Variants in DEPDC1 observed in about 807,000 individuals in gnomAD.
The protein encoded by DEPDC1 is DEP domain-containing protein 1A.
A neutral mutation model predicts 86.8 loss-of-function variants in DEPDC1; 66 were observed. The ratio of observed to expected loss-of-function variants is 0.76; its 90% CI spans 0.62 to 0.93. The LOEUF (loss-of-function observed/expected upper bound fraction) is 0.93, where lower values mean the gene tolerates loss of function less well. Among genes scored for constraint, DEPDC1 ranks in the 40% least tolerant of loss-of-function variants. The pLI, the probability that DEPDC1 is intolerant of heterozygous loss-of-function variation, is 0.00. For missense variants in DEPDC1, 792 were observed against 935.7 expected (o/e 0.85, Z 2.00); for synonymous variants, 255 against 314.9 (o/e 0.81, Z 2.02).
rs1646263985 is a variant in DEPDC1, at chr1:68,496,211, CTT to C, written c.48+739_48+740del. Among the ~76,000 whole-genome samples the C allele has an allele frequency of 6.6e-6, 1 of 152,288 alleles. No homozygotes were observed. The highest frequency in any genetic ancestry group is 1.9e-4 in the East Asian group (1 of 5,182). ...TTGTTATTCTGCAGATCACAACACA[CTT>C]TAAAAAACAGCATCCTCCTGGGAAA... On this transcript the variant is annotated intron_variant, in intron 1 of 11. Coordinates refer to ENST00000456315, the MANE Select transcript of DEPDC1 (RefSeq NM_001114120.3). The surrounding 1 kb of genome is among the most constrained non-coding windows in gnomAD (Gnocchi z 4.0).
intron 2 of DEPDC1, among the ~76,000 whole-genome samples, chr1:68,491,110 G>A (rs1571204751): frequency 6.6e-6 from 1 of 152,102 alleles, no homozygotes; most frequent in East Asian, 1.9e-4. Flanking sequence ...ATATCATTCT[G>A]GACATTAGAA....
chr1:68,489,687 A>T lies in DEPDC1; in HGVS notation c.315-79T>A, dbSNP rs1039368454. The T allele has an allele frequency of 2.8e-6, 3 of 1,088,378 alleles. No individual in the cohort carries two copies. In the African/African-American group the frequency reaches 5.1e-5, roughly 18 times the overall value. The allele number at this position is 1,088,378 out of a possible 1,614,324, so 67.4% of individuals were successfully genotyped here. ...AGAGCCTATTTTTTTTTTAAAATTC[A>T]CATAAAGAGCCTGACTTATTAATAC... On this transcript the variant is annotated intron_variant, in intron 2 of 11. Coordinates refer to ENST00000456315, the MANE Select transcript of DEPDC1 (RefSeq NM_001114120.3).
At chr1:68,484,365 T>C (rs1449288429) in intron 6 of DEPDC1, among the ~76,000 whole-genome samples, 1 of 152,064 alleles carries the variant, frequency 6.6e-6, no homozygotes, top group Non-Finnish European at 1.5e-5. Context: ...TAGGGAAGCT[T>C]AGTTTAATAA....
chr1:68,492,324 A>G (rs2100271619), intron 2 of DEPDC1, among the ~76,000 whole-genome samples: 1 of 152,242 alleles, frequency 6.6e-6, no homozygotes, highest in Non-Finnish European at 1.5e-5. Context: ...ATTCTATTTA[A>G]TACAATTTAA....
At chr1:68,484,215 G>T in intron 6 of DEPDC1, 125 bp from the exon 7 acceptor site, 1 of 661,800 alleles carries the variant, frequency 1.5e-6, no homozygotes, top group South Asian at 3.2e-5. Context: ...TTCTGCCACA[G>T]TTCAAAAATT....
chr1:68,480,252 CCACA>C (rs72099346), intron 9 of DEPDC1, among the ~76,000 whole-genome samples: 110 of 145,518 alleles, frequency 7.6e-4, no homozygotes, highest in East Asian at 3.4e-3. Flanking sequence ...TCTAACTGTA[CCACA>C]CACACACACA....
chr1:68,488,931 T>G lies in DEPDC1; in HGVS notation c.575A>C (p.Tyr192Ser), dbSNP rs1484838322. Residue 192 changes from tyrosine to serine, a missense_variant, in exon 4 of 12, where the codon TAT (tyrosine) becomes TCT (serine). Coordinates refer to ENST00000456315, the MANE Select transcript of DEPDC1 (RefSeq NM_001114120.3). The stretch of plus-strand genomic sequence containing the variant: ...TTTATCTTACTAGATCAGAATAACA[T>G]ATCTCCAAACTTCTTCAACATCTTC... Reference protein sequence around the residue: ...SQEDVEEVWRYVILIYLQTIL... With the variant: ...SQEDVEEVWRSVILIYLQTIL... The G allele has an allele frequency of 6.3e-7, 1 of 1,583,012 alleles. No homozygotes were observed. The highest frequency in any genetic ancestry group is 2.2e-5 in the East Asian group (1 of 44,504).
chr1:68,493,197 C>T (rs1646240866), intron 2 of DEPDC1, among the ~76,000 whole-genome samples: 1 of 152,060 alleles, frequency 6.6e-6, no homozygotes, highest in Admixed American at 6.6e-5. Flanking sequence ...GAGTGCTATA[C>T]AAAATGGATT....
intron 2 of DEPDC1, among the ~76,000 whole-genome samples, chr1:68,490,065 G>GT (rs1436606039): frequency 6.6e-6 from 1 of 152,034 alleles, no homozygotes; most frequent in Admixed American, 6.6e-5. Flanking sequence ...CAATACCCAT[G>GT]TATGTAACTG....
chr1:68,494,399 T>G (rs768078487), intron 2 of DEPDC1, 31 bp downstream of exon 2: 1 of 1,575,276 alleles, frequency 6.3e-7, no homozygotes. Flanking sequence ...TTACAGTAAT[T>G]CAGTTTTACA....
chr1:68,475,065 G>A lies in DEPDC1; in HGVS notation c.*1867C>T, dbSNP rs751778755. On this transcript the variant is annotated 3_prime_UTR_variant, in exon 12 of 12. Coordinates refer to ENST00000456315, the MANE Select transcript of DEPDC1 (RefSeq NM_001114120.3). ...ACATGCATTATCCTGCTTAATCCTC[G>A]CAATCCTAAAAAGAGGTACTATTAT... The A allele has an allele frequency of 1.3e-5, 2 of 151,904 alleles. No individual in the cohort carries two copies. Among genetic ancestry groups the A allele is most frequent in the African/African-American group, 2.4e-5 (1 of 41,474 alleles). 9.4% of individuals were successfully genotyped at this position (151,904 alleles called of 1,614,324 possible).
At position 68,481,548 on chromosome 1, in the gene DEPDC1, A is replaced by G; in HGVS notation, c.1827T>C (p.Leu609=). Residue 609 remains leucine, a synonymous_variant, in exon 9 of 12, where the codon CTT becomes CTC. Coordinates refer to ENST00000456315, the MANE Select transcript of DEPDC1 (RefSeq NM_001114120.3). ...IDALQLCCLL[L]PPPNRRKLQL... is the part of the protein sequence containing the mutation. ...GAAGCTTTCTACGATTTGGTGGGGG[A>G]AGTAACAAACAACATAACTGTAGAG... The G allele has an allele frequency of 6.2e-7, 1 of 1,611,992 alleles. No individual in the cohort carries two copies. The highest frequency in any genetic ancestry group is 8.5e-7 in the Non-Finnish European group (1 of 1,178,876).
intron 3 of DEPDC1, 54 bp from the exon 4 acceptor site, chr1:68,489,088 T>C (rs1481166822): frequency 9.2e-7 from 1 of 1,085,544 alleles, no homozygotes; most frequent in Admixed American, 1.8e-5. Flanking sequence ...TTTTAAATAT[T>C]GAAAGCAACA....
rs547804752 is a variant in DEPDC1 at position 68,479,265 on chromosome 1, T to C, written c.1991A>G (p.Asp664Gly). The change falls in exon 10 of 12, where the codon GAT (aspartate) becomes GGT (glycine). Residue 664 changes from aspartate to glycine, a missense_variant. Asp to Gly is a moderately conservative substitution (Grantham distance 94). Transcript: ENST00000456315. Reference sequence around the variant, plus strand: ...AACTAATCTTCCAGCAAGAAGCTCATCAAGATCCACTTCTTCAGCACAGCA... The same window carrying C: ...AACTAATCTTCCAGCAAGAAGCTCACCAAGATCCACTTCTTCAGCACAGCA... Reference protein sequence around the residue: ...VLCCAEEVDLDELLAGRLVSF... With the variant: ...VLCCAEEVDLGELLAGRLVSF... The C allele has an allele frequency of 5.7e-5, 92 of 1,612,580 alleles. No homozygotes were observed. Among genetic ancestry groups the C allele is most frequent in the Non-Finnish European group, 7.5e-5 (88 of 1,179,156 alleles).
At position 68,489,020 on chromosome 1, in the gene DEPDC1, T is replaced by C. The variant is rs1418805869; in HGVS notation, c.486A>G (p.Lys162=). The C allele has an allele frequency of 3.7e-6, 6 of 1,600,082 alleles. No individual in the cohort carries two copies. The highest frequency in any genetic ancestry group is 5.1e-6 in the Non-Finnish European group (6 of 1,169,696). The change falls in exon 4 of 12, where the codon AAA becomes AAG. Residue 162 remains lysine, a synonymous_variant. Transcript: ENST00000456315. ...GLHLSQENGE[K]IKHEIINEDQ... ...CTTCATTGATTATTTCATGCTTTATTTTCTCGCCATTTTCCTGAAAAAAGG... is the reference window on the plus strand; with the variant it reads ...CTTCATTGATTATTTCATGCTTTATCTTCTCGCCATTTTCCTGAAAAAAGG...
intron 7 of DEPDC1, 89 bp downstream of exon 7, chr1:68,483,861 A>G (rs1171324986): frequency 1.1e-6 from 1 of 875,308 alleles, no homozygotes; most frequent in African/African-American, 1.8e-5. Flanking sequence ...TGCCACCTTT[A>G]TATTTACCTA....
chr1:68,489,673 T>C, intron 2 of DEPDC1, 65 bp from the exon 3 acceptor site: 1 of 1,291,988 alleles, frequency 7.7e-7, no homozygotes, highest in Non-Finnish European at 1.0e-6. Context: ...GAGCCTATTT[T>C]TTTTTTAAAA....
At chr1:68,483,817 C>T (rs1185274617) in intron 7 of DEPDC1, 133 bp downstream of exon 7, 4 of 624,070 alleles carry the variant, frequency 6.4e-6, no homozygotes, top group Non-Finnish European at 1.0e-5. Flanking sequence ...ACCTCGGAAC[C>T]TTATTTCACT....
chr1:68,487,305 A>G (rs976467509), intron 5 of DEPDC1, among the ~76,000 whole-genome samples: 17 of 151,962 alleles, frequency 1.1e-4, no homozygotes, highest in Non-Finnish European at 1.2e-4. Flanking sequence ...GTTCATTTTT[A>G]TCTACTACCA....
Sources: allele counts gnomAD v4.1 joint callset (sites outside exome capture counted in the v4.1 genomes callset), GRCh38; gene constraint gnomAD v4.1.1; non-coding constraint Gnocchi (gnomAD v3.1); transcripts MANE v1.5; gene names NCBI Gene and HGNC (gene_info 2026-07-23, HGNC 2026-07-21).